Variants in CCDC178 observed in about 807,000 individuals in gnomAD.
CCDC178 encodes the protein coiled-coil domain containing 178.
A neutral mutation model predicts 117.4 loss-of-function variants in CCDC178; 126 were observed. That is an observed-to-expected ratio of 1.07 (90% confidence interval 0.93 to 1.24). The LOEUF (loss-of-function observed/expected upper bound fraction) is 1.24. Among genes scored for constraint, CCDC178 ranks in the 50% most tolerant of loss-of-function variants. The pLI is 0.00. For synonymous variants in CCDC178, 283 were observed against 313.4 expected (o/e 0.90, Z 1.02); for missense variants, 1,030 against 986.9 (o/e 1.04, Z -0.59).
intron 9 of CCDC178, among the ~76,000 whole-genome samples, chr18:33,339,320 TAAAC>T (rs537340374): frequency 6.6e-6 from 1 of 151,892 alleles, no homozygotes; most frequent in Non-Finnish European, 1.5e-5. Context: ...TTTAAAAAGA[TAAAC>T]AAAATTGACA....
At chr18:33,382,714 C>T (rs1465061389) in intron 5 of CCDC178, among the ~76,000 whole-genome samples, 1 of 152,172 alleles carries the variant, frequency 6.6e-6, no homozygotes, top group African/African-American at 2.4e-5. Context: ...CCTACACCAC[C>T]AGGGCCCTGG....
chr18:33,099,296 C>T (rs1337937502), intron 20 of CCDC178, among the ~76,000 whole-genome samples: 1 of 152,048 alleles, frequency 6.6e-6, no homozygotes, highest in African/African-American at 2.4e-5. Flanking sequence ...TGTGCACATG[C>T]CCACGCATTA....
At chr18:33,030,754 C>A (rs1321970034) in intron 21 of CCDC178, among the ~76,000 whole-genome samples, 1 of 150,926 alleles carries the variant, frequency 6.6e-6, no homozygotes, top group African/African-American at 2.4e-5. Flanking sequence ...GATCAATAGA[C>A]ATAGATGATA....
chr18:33,089,384 A>G (rs191899744), intron 21 of CCDC178, among the ~76,000 whole-genome samples: 1 of 152,222 alleles, frequency 6.6e-6, no homozygotes, highest in African/African-American at 2.4e-5. Flanking sequence ...TTAGTTCTAT[A>G]TCTTACATTG....
At chr18:33,240,586 A>T (rs1461580698) in intron 15 of CCDC178, among the ~76,000 whole-genome samples, 1 of 151,930 alleles carries the variant, frequency 6.6e-6, no homozygotes, top group African/African-American at 2.4e-5. Context: ...TTCAATGAAC[A>T]GTTATACACT....
At chr18:33,199,588 G>C (rs1176152014) in intron 20 of CCDC178, among the ~76,000 whole-genome samples, 1 of 152,148 alleles carries the variant, frequency 6.6e-6, no homozygotes, top group Non-Finnish European at 1.5e-5. Flanking sequence ...CTGGAATGAT[G>C]CCACCTCTGA....
At chr18:33,071,359 T>A (rs1030727721) in intron 21 of CCDC178, among the ~76,000 whole-genome samples, 10 of 152,156 alleles carry the variant, frequency 6.6e-5, no homozygotes, top group Non-Finnish European at 1.5e-4. Flanking sequence ...AGGTATTTTT[T>A]AAATGAAAAT....
At chr18:33,127,590 C>T (rs529532039) in intron 20 of CCDC178, among the ~76,000 whole-genome samples, 13 of 152,108 alleles carry the variant, frequency 8.5e-5, no homozygotes, top group Non-Finnish European at 1.5e-4. Context: ...TACCTGCCAC[C>T]GCGCCTGGCT....
In CCDC178 at chr18:33,204,594, A is replaced by G. The variant is rs572121204; in HGVS notation, c.2238+7302T>C. On this transcript the variant is annotated intron_variant, in intron 20 of 22. Transcript: ENST00000383096. ...AGGACTGAGATTGTGACATTAAAAA[A>G]TTTATATACCACCATTTGTTGTTCA... Among the ~76,000 whole-genome samples, 18 of 152,260 alleles carry G rather than the reference A, an allele frequency of 1.2e-4. 1 individual carries two copies. The South Asian group carries it at 2.3e-3, about 19-fold the overall frequency.
intron 21 of CCDC178, among the ~76,000 whole-genome samples, chr18:32,987,313 C>T (rs2055283639): frequency 1.3e-5 from 2 of 151,862 alleles, no homozygotes; most frequent in Admixed American, 1.3e-4. Flanking sequence ...TTATTGATTA[C>T]AGGCATATAC....
At chr18:33,199,600 G>A (rs940652662) in intron 20 of CCDC178, among the ~76,000 whole-genome samples, 2 of 152,118 alleles carry the variant, frequency 1.3e-5, no homozygotes, top group Admixed American at 6.5e-5. Flanking sequence ...CACCTCTGAA[G>A]TTTCAAACTC....
intron 21 of CCDC178, among the ~76,000 whole-genome samples, chr18:33,002,325 A>C (rs2055653493): frequency 6.6e-6 from 1 of 152,122 alleles, no homozygotes; most frequent in South Asian, 2.1e-4. Flanking sequence ...TATTGTACCA[A>C]GTATCTTCTC....
intron 7 of CCDC178, among the ~76,000 whole-genome samples, chr18:33,355,932 C>A (rs1450034293): frequency 1.3e-5 from 2 of 152,212 alleles, no homozygotes; most frequent in Non-Finnish European, 2.9e-5. Flanking sequence ...ATAGCTGCCA[C>A]CAGTCTGAAG....
intron 11 of CCDC178, among the ~76,000 whole-genome samples, chr18:33,306,184 TA>T (rs2062245359): frequency 1.3e-5 from 1 of 78,706 alleles, no homozygotes; most frequent in Admixed American, 1.7e-4. Context: ...AATTGATGAA[TA>T]AAAGGTAAAA....
At chr18:33,238,552 GA>G (rs1347258607) in intron 15 of CCDC178, among the ~76,000 whole-genome samples, 1 of 151,986 alleles carries the variant, frequency 6.6e-6, no homozygotes, top group African/African-American at 2.4e-5. Context: ...AGTACAAGAA[GA>G]AGGCAGAATT....
chr18:33,159,784 A>G (rs2058441445), intron 20 of CCDC178, among the ~76,000 whole-genome samples: 1 of 152,082 alleles, frequency 6.6e-6, no homozygotes, highest in Non-Finnish European at 1.5e-5. Flanking sequence ...AATTAATACT[A>G]ATTTTAAGAC....
chr18:33,240,081 G>C (rs555791002), intron 15 of CCDC178, among the ~76,000 whole-genome samples: 1 of 151,892 alleles, frequency 6.6e-6, no homozygotes, highest in South Asian at 2.1e-4. Context: ...TTGATAATAA[G>C]TAGAAGATTA....
intron 14 of CCDC178, among the ~76,000 whole-genome samples, chr18:33,258,131 C>T (rs1313079238): frequency 6.6e-6 from 1 of 151,942 alleles, no homozygotes; most frequent in African/African-American, 2.4e-5. Context: ...TTAAATGCAC[C>T]AAAGTCCATC....
intron 21 of CCDC178, among the ~76,000 whole-genome samples, chr18:33,078,524 T>C (rs2145023942): frequency 6.6e-6 from 1 of 152,290 alleles, no homozygotes. Flanking sequence ...ATTCTATATT[T>C]AGGAAACCCC....
Sources: allele counts gnomAD v4.1 joint callset (sites outside exome capture counted in the v4.1 genomes callset), GRCh38; gene constraint gnomAD v4.1.1; transcripts MANE v1.5; gene names NCBI Gene and HGNC (gene_info 2026-07-23, HGNC 2026-07-21).